Variants in SPATS2 observed in about 807,000 individuals in gnomAD.
The protein encoded by SPATS2 is spermatogenesis associated serine rich 2, also known as spermatogenesis-associated serine-rich protein 2.
SPATS2 carries 38 observed loss-of-function variants against 63.7 expected under a neutral mutation model. The ratio of observed to expected loss-of-function variants is 0.60; its 90% CI spans 0.46 to 0.78. The LOEUF is 0.78. Among genes scored for constraint, SPATS2 ranks in the 30% least tolerant of loss-of-function variants. The pLI is 0.00. For synonymous variants in SPATS2, 207 were observed against 232.9 expected, an observed-to-expected ratio of 0.89 and a Z score of 1.01; for missense variants, 588 against 666.2, an observed-to-expected ratio of 0.88 and a Z score of 1.29.
At chr12:49,498,122 C>A in intron 8 of SPATS2, among the ~76,000 whole-genome samples, 3 of 98,286 alleles carry the variant, frequency 3.1e-5, no homozygotes, top group African/African-American at 1.1e-4. Context: ...TTGAGACTAT[C>A]CAATCAAGCC....
At chr12:49,385,871 T>G (rs1003452842) in intron 2 of SPATS2, among the ~76,000 whole-genome samples, 2 of 146,876 alleles carry the variant, frequency 1.4e-5, no homozygotes, top group African/African-American at 2.6e-5. Flanking sequence ...TTGTTTGTTT[T>G]TTGTTTTTTT....
rs1397681120 is a variant in SPATS2, at chr12:49,489,650, C to T, written c.214+77C>T. 4 of 1,222,202 alleles carry T rather than the reference C, an allele frequency of 3.3e-6. No individual in the cohort carries two copies. The East Asian group carries it at 1.0e-4, about 31-fold the overall frequency. 75.7% of individuals were successfully genotyped at this position (1,222,202 alleles called of 1,614,324 possible). On this transcript the variant is annotated intron_variant, in intron 5 of 13. Transcript: ENST00000552918. ...TGCTTCAGACTTTTATAACATTCAG[C>T]AATCCAGTGATTCATAGATGATAGA...
chr12:49,393,192 T>G (rs967310356), intron 2 of SPATS2, among the ~76,000 whole-genome samples: 4 of 151,630 alleles, frequency 2.6e-5, no homozygotes, highest in African/African-American at 9.7e-5. Context: ...TTAACTCCCC[T>G]GTAGACTCAT....
At chr12:49,515,209 C>T (rs1280074673) in intron 10 of SPATS2, among the ~76,000 whole-genome samples, 1 of 152,144 alleles carries the variant, frequency 6.6e-6, no homozygotes, top group African/African-American at 2.4e-5. Flanking sequence ...ACAGAAAAAA[C>T]AGATACCTAT....
intron 9 of SPATS2, among the ~76,000 whole-genome samples, chr12:49,510,342 G>A (rs559244024): frequency 4.6e-5 from 7 of 151,066 alleles, no homozygotes; most frequent in South Asian, 2.1e-4. Flanking sequence ...TGGATGGATC[G>A]CTTGAGCTCA....
At chr12:49,474,770 A>T (rs1207790022) in intron 3 of SPATS2, among the ~76,000 whole-genome samples, 1 of 152,226 alleles carries the variant, frequency 6.6e-6, no homozygotes, top group Non-Finnish European at 1.5e-5. Flanking sequence ...ATGAAATATT[A>T]TTCAGTGATT....
At chr12:49,497,416 A>T (rs531283949) in intron 8 of SPATS2, among the ~76,000 whole-genome samples, 2 of 141,964 alleles carry the variant, frequency 1.4e-5, no homozygotes, top group East Asian at 4.1e-4. Flanking sequence ...TTCCCCCGAG[A>T]CTGAGTCTCA....
intron 2 of SPATS2, among the ~76,000 whole-genome samples, chr12:49,454,880 T>TG (rs1555186121): frequency 7.7e-6 from 1 of 129,690 alleles, no homozygotes; most frequent in East Asian, 2.2e-4. Flanking sequence ...GCTCTGTCTT[T>TG]AAAAAAAAAA....
chr12:49,446,733 A>G (rs1328947680), intron 2 of SPATS2, among the ~76,000 whole-genome samples: 1 of 152,204 alleles, frequency 6.6e-6, no homozygotes, highest in Non-Finnish European at 1.5e-5. Flanking sequence ...GGGCCCATCC[A>G]GATAATCCAG....
intron 7 of SPATS2, among the ~76,000 whole-genome samples, chr12:49,495,350 C>A (rs1288160227): frequency 6.6e-6 from 1 of 152,046 alleles, no homozygotes; most frequent in African/African-American, 2.4e-5. Flanking sequence ...CCCGCCACCA[C>A]GCCTGGCTAA....
intron 2 of SPATS2, among the ~76,000 whole-genome samples, chr12:49,432,825 A>G (rs1334962793): frequency 6.6e-6 from 1 of 152,146 alleles, no homozygotes; most frequent in Non-Finnish European, 1.5e-5. Context: ...TCATCCTTTG[A>G]TAGACACCGG....
chr12:49,518,882 A>C (rs1946892122), intron 10 of SPATS2, among the ~76,000 whole-genome samples, 191 bp from the exon 11 acceptor site: 1 of 152,236 alleles, frequency 6.6e-6, no homozygotes, highest in Admixed American at 6.5e-5. Context: ...TTTATAAAAA[A>C]TATTTACCAC....
chr12:49,485,424 C>T (rs1274391797), intron 4 of SPATS2, among the ~76,000 whole-genome samples: 2 of 151,926 alleles, frequency 1.3e-5, no homozygotes, highest in Non-Finnish European at 1.5e-5. Flanking sequence ...TGCAGTGGCA[C>T]GATCTCAGCT....
At chr12:49,497,703 A>G (rs76964089) in intron 8 of SPATS2, among the ~76,000 whole-genome samples, 3,373 of 152,094 alleles carry the variant, frequency 0.022, 121 homozygotes, top group African/African-American at 0.077. Flanking sequence ...CAACATTGAC[A>G]TTTTAAAGAA....
chr12:49,392,277 A>G (rs1944431437), intron 2 of SPATS2, among the ~76,000 whole-genome samples: 1 of 150,522 alleles, frequency 6.6e-6, no homozygotes, highest in Non-Finnish European at 1.5e-5. Flanking sequence ...CCTTAACTTT[A>G]TGTCTGAGGT....
chr12:49,453,856 C>CTTTTTTTTTTT (rs869155580), intron 2 of SPATS2, among the ~76,000 whole-genome samples: 1 of 76,196 alleles, frequency 1.3e-5, no homozygotes, highest in Non-Finnish European at 2.4e-5. Flanking sequence ...AAATAGCATT[C>CTTTTTTTTTTT]TTTTTTTTTT....
intron 4 of SPATS2, chr12:49,486,281 T>C (rs1477748708): frequency 9.0e-6 from 4 of 444,258 alleles, no homozygotes; most frequent in Admixed American, 7.2e-5. Context: ...CTCAGCTCAC[T>C]GCACACCTCC....
At chr12:49,386,658 A>G (rs1379578325) in intron 2 of SPATS2, among the ~76,000 whole-genome samples, 1 of 152,124 alleles carries the variant, frequency 6.6e-6, no homozygotes, top group African/African-American at 2.4e-5. Context: ...TATACTGTGG[A>G]ATTCTAACCG....
chr12:49,484,657 C>T lies in SPATS2; in HGVS notation c.93C>T (p.Asn31=). ...TGGCCCAGGGAGGAGCTTTTGAGAA[C>T]ATGAAAGAGAAGGTAAGACTAGTCA... ...TVLAQGGAFE[N]MKEKINAVRA... Residue 31 remains asparagine (N), a synonymous_variant, in exon 4 of 14, where the codon AAC becomes AAT. Coordinates refer to ENST00000552918, the MANE Select transcript of SPATS2 (RefSeq NM_023071.4). 1.2e-6 allele frequency: 2 copies of T among 1,613,858 alleles called. No individual in the cohort carries two copies. Among genetic ancestry groups the T allele is most frequent in the Non-Finnish European group, 1.7e-6 (2 of 1,179,890 alleles).
Sources: gnomAD v4.1 joint callset for allele counts (sites outside exome capture counted in the v4.1 genomes callset) on GRCh38, gnomAD v4.1.1 for gene constraint, MANE v1.5 for transcripts, NCBI Gene and HGNC (gene_info 2026-07-23, HGNC 2026-07-21) for gene names.